The following DNAH6 variants were observed in gnomAD, a reference collection of about 807,000 sequenced individuals.
The protein encoded by DNAH6 is dynein axonemal heavy chain 6, also known as axonemal beta dynein heavy chain 6.
DNAH6 carries 340 observed loss-of-function variants against 491.4 expected under a neutral mutation model. The ratio of observed to expected loss-of-function variants is 0.69; its 90% CI spans 0.63 to 0.76. The LOEUF (loss-of-function observed/expected upper bound fraction) is 0.76, where lower values mean the gene tolerates loss of function less well. DNAH6 is among the 30% of genes least tolerant of loss of function. The pLI, the probability that DNAH6 is intolerant of heterozygous loss-of-function variation, is 0.00. For synonymous variants in DNAH6, 1,603 were observed against 1,686.1 expected (o/e 0.95, Z 1.21); for missense variants, 4,443 against 4,972.2 (o/e 0.89, Z 3.20).
chr2:84,770,251 A>G (rs1675480168), intron 64 of DNAH6, among the ~76,000 whole-genome samples: 2 of 152,226 alleles, frequency 1.3e-5, no homozygotes, highest in East Asian at 3.8e-4. Context: ...GGACCGTCTA[A>G]TTTCCAGAGT....
In DNAH6 at chr2:84,529,039, G is replaced by A; in HGVS notation, c.535G>A (p.Val179Ile). Residue 179 changes from valine (V) to isoleucine (I), a missense_variant, in exon 4 of 77, where the codon GTT becomes ATT. Val to Ile is a conservative substitution (Grantham distance 29, BLOSUM62 3). Coordinates refer to ENST00000389394, the MANE Select transcript of DNAH6 (RefSeq NM_001370.2). ...KYTFHDREEV[V>I]KANIRDPLQI... Reference sequence around the variant, plus strand: ...CACTTTTCACGACCGAGAAGAAGTTGTTAAAGCCAACATTCGTGATCCCTT... The same window carrying A: ...CACTTTTCACGACCGAGAAGAAGTTATTAAAGCCAACATTCGTGATCCCTT... 7 of 1,551,390 alleles carry A rather than the reference G, an allele frequency of 4.5e-6. No individual in the cohort carries two copies. The highest frequency in any genetic ancestry group is 1.2e-5 in the South Asian group (1 of 84,054).
At chr2:84,753,060 C>T (rs1249854228) in intron 63 of DNAH6, among the ~76,000 whole-genome samples, 3 of 152,196 alleles carry the variant, frequency 2.0e-5, no homozygotes, top group Non-Finnish European at 4.4e-5. Context: ...ACCCTCACAA[C>T]ATTTGTTATT....
chr2:84,648,234 G>A (rs1198505754), intron 33 of DNAH6, among the ~76,000 whole-genome samples: 1 of 152,158 alleles, frequency 6.6e-6, no homozygotes, highest in South Asian at 2.1e-4. Flanking sequence ...CTGCTCATTG[G>A]CAATGAACCT....
Position 84,668,465 on chromosome 2 carries a change from G to A in DNAH6, c.6085-824G>A, listed in dbSNP as rs574862635. Among the ~76,000 whole-genome samples, 15 of 152,130 alleles carry A rather than the reference G, an allele frequency of 9.9e-5. 1 individual carries two copies. The highest frequency in any genetic ancestry group is 2.2e-4 in the Non-Finnish European group (15 of 68,008). On this transcript the variant is annotated intron_variant, in intron 37 of 76. Coordinates refer to ENST00000389394, the MANE Select transcript of DNAH6 (RefSeq NM_001370.2). ...AACTTCTGAAATGCAGTCTGATTAT[G>A]TTACCTACCTGCTTAGAATCCCTCA...
Position 84,640,570 on chromosome 2 carries a change from C to T in DNAH6, c.4962C>T (p.Val1654=). The T allele has an allele frequency of 1.3e-6, 2 of 1,545,834 alleles. No individual in the cohort carries two copies. The highest frequency in any genetic ancestry group is 1.4e-5 in the African/African-American group (1 of 72,830). Residue 1654 remains valine, a synonymous_variant, in exon 32 of 77, where the codon GTC becomes GTT. Transcript: ENST00000389394. ...FGMRAVKSVL[V]MAGSLKRENP... is the part of the protein sequence containing the mutation. ...TGAGAGCTGTGAAGTCTGTCCTGGT[C>T]ATGGCTGGGTAAGAAACCAAAGTAG...
At chr2:84,565,661 A>T (rs1036527531) in intron 11 of DNAH6, among the ~76,000 whole-genome samples, 1 of 151,870 alleles carries the variant, frequency 6.6e-6, no homozygotes, top group African/African-American at 2.4e-5. Context: ...TGCCTCAATG[A>T]TCAGTCACTG....
Position 84,718,285 on chromosome 2 carries a change from G to A in DNAH6, c.9693G>A (p.Gln3231=). The stretch of plus-strand genomic sequence containing the variant: ...TGAGGATCAACACTGATAAAAACCA[G>A]TTGAAAACTATCGAAGAGAAAATCC... The part of the protein sequence containing the change: ...LIVRINTDKN[Q]LKTIEEKILR... The change falls in exon 59 of 77, where the codon CAG becomes CAA. Residue 3231 remains glutamine (Q), a synonymous_variant. Transcript: ENST00000389394. 1 of 1,551,384 alleles carries A rather than the reference G, an allele frequency of 6.4e-7. No individual in the cohort carries two copies. Among genetic ancestry groups the A allele is most frequent in the Non-Finnish European group, 8.7e-7 (1 of 1,146,876 alleles).
chr2:84,755,655 C>T (rs188593851), intron 63 of DNAH6, among the ~76,000 whole-genome samples: 22 of 152,170 alleles, frequency 1.4e-4, no homozygotes, highest in Admixed American at 9.8e-4. Flanking sequence ...TACTTAATTG[C>T]CCTAGATAGA....
chr2:84,646,400 G>A (rs887119529), intron 33 of DNAH6, among the ~76,000 whole-genome samples: 1 of 152,144 alleles, frequency 6.6e-6, no homozygotes, highest in Non-Finnish European at 1.5e-5. Flanking sequence ...GAAAGGAAGA[G>A]TCACACACCT....
At position 84,699,700 on chromosome 2, in the gene DNAH6, T is replaced by G; in HGVS notation, c.7784T>G (p.Leu2595Arg). ...FRSRCRMFPSLVNCCTIDWFV... is the reference protein window; with the variant it reads ...FRSRCRMFPSRVNCCTIDWFV... ...TCCCGATGCAGGATGTTTCCATCCC[T>G]TGTGAATTGCTGCACCATTGACTGG... The change falls in exon 48 of 77, where the codon CTT becomes CGT. Residue 2595 changes from leucine (L) to arginine (R), a missense_variant. Leu to Arg is a moderately radical substitution (Grantham distance 102, BLOSUM62 -2). Around this residue, in one of 3 missense-constraint regions of DNAH6, gnomAD observed 2,977 missense variants for 3,296.6 expected, o/e 0.90. Transcript: ENST00000389394. 2 of 1,551,738 alleles carry G rather than the reference T, an allele frequency of 1.3e-6. No homozygotes were observed. Among genetic ancestry groups the G allele is most frequent in the Non-Finnish European group, 1.7e-6 (2 of 1,146,996 alleles).
chr2:84,698,076 C>T (rs1184056191), intron 47 of DNAH6, among the ~76,000 whole-genome samples: 1 of 152,150 alleles, frequency 6.6e-6, no homozygotes, highest in Non-Finnish European at 1.5e-5. Context: ...ATTGTTGATG[C>T]CCTTGCCTAG....
intron 44 of DNAH6, among the ~76,000 whole-genome samples, chr2:84,686,896 G>A (rs80187497): frequency 0.038 from 5,749 of 152,234 alleles, 393 homozygotes; most frequent in African/African-American, 0.13. Context: ...GCTGACTCCT[G>A]ATCTAATTAC....
intron 64 of DNAH6, among the ~76,000 whole-genome samples, chr2:84,772,294 A>T (rs1344810983): frequency 6.6e-6 from 1 of 152,186 alleles, no homozygotes; most frequent in African/African-American, 2.4e-5. Flanking sequence ...GAATTGAGGA[A>T]CAACAAGGAT....
chr2:84,795,359 A>T (rs1203741239), intron 68 of DNAH6, among the ~76,000 whole-genome samples: 3 of 152,190 alleles, frequency 2.0e-5, no homozygotes, highest in Non-Finnish European at 4.4e-5. Flanking sequence ...TAATCTGTTT[A>T]GTGCATAAAT....
At chr2:84,756,398 T>C (rs948994724) in intron 63 of DNAH6, among the ~76,000 whole-genome samples, 2 of 152,232 alleles carry the variant, frequency 1.3e-5, no homozygotes, top group Admixed American at 1.3e-4. Flanking sequence ...TTTAATGACC[T>C]ATCCATTAGC....
intron 59 of DNAH6, among the ~76,000 whole-genome samples, chr2:84,721,257 A>G (rs1357204720): frequency 6.6e-6 from 1 of 152,168 alleles, no homozygotes; most frequent in Non-Finnish European, 1.5e-5. Flanking sequence ...TCCCATATCA[A>G]CTTTTTTTTT....
At chr2:84,778,223 T>C (rs1359621859) in intron 64 of DNAH6, 5 of 646,826 alleles carry the variant, frequency 7.7e-6, no homozygotes, top group East Asian at 2.8e-5. Flanking sequence ...AGAGTTGCCA[T>C]ATTGGACTTG....
Position 84,689,607 on chromosome 2 carries a change from T to TGGAAGTCACATAGCATC in DNAH6, c.7292+1015_7292+1031dup, listed in dbSNP as rs1245820512. Among the ~76,000 whole-genome samples, 4 of 152,212 alleles carry TGGAAGTCACATAGCATC rather than the reference T, an allele frequency of 2.6e-5. No homozygotes were observed. In the East Asian group the frequency reaches 7.7e-4, roughly 29 times the overall value. ...CCAAATGGCTTTTTTGACATAGTCT[T>TGGAAGTCACATAGCATC]GGAAGTCACATAGCATCATTTCTAC... On this transcript the variant is annotated intron_variant, in intron 45 of 76. Transcript: ENST00000389394.
intron 63 of DNAH6, among the ~76,000 whole-genome samples, chr2:84,745,462 G>A (rs920504579): frequency 7.2e-5 from 11 of 152,120 alleles, no homozygotes; most frequent in Admixed American, 1.3e-4. Context: ...TCAGGAGATC[G>A]CGACCATCGT....
Sources: allele counts gnomAD v4.1 joint callset (sites outside exome capture counted in the v4.1 genomes callset), GRCh38; gene constraint gnomAD v4.1.1; regional missense constraint gnomAD v4.1.1; transcripts MANE v1.5; gene names NCBI Gene and HGNC (gene_info 2026-07-23, HGNC 2026-07-21).